The following SLC44A5 variants were observed in gnomAD, a reference collection of about 807,000 sequenced individuals.
SLC44A5 encodes solute carrier family 44 member 5, also known as choline transporter-like protein 5.
SLC44A5 carries 57 observed loss-of-function variants against 101.8 expected under a neutral mutation model. That is an observed-to-expected ratio of 0.56 (90% CI 0.45 to 0.70). SLC44A5 has a LOEUF of 0.70. SLC44A5 is among the 30% of genes least tolerant of loss of function. SLC44A5 has a pLI of 0.00. For missense variants in SLC44A5, 737 were observed against 853.1 expected, an observed-to-expected ratio of 0.86 and a Z score of 1.70; for synonymous variants, 281 against 290.9, an observed-to-expected ratio of 0.97 and a Z score of 0.35.
chr1:75,523,671 A>G (rs544199688), intron 2 of SLC44A5, among the ~76,000 whole-genome samples: 9 of 152,336 alleles, frequency 5.9e-5, no homozygotes, highest in Admixed American at 1.3e-4. Context: ...AATAAGCTAG[A>G]TGTGAAGGAT....
chr1:75,653,461 G>A, the SLC44A5 span, among the ~76,000 whole-genome samples: 4 of 152,158 alleles, frequency 2.6e-5, no homozygotes, highest in Non-Finnish European at 4.4e-5. Context: ...AAGCCTGGGC[G>A]ACAGAGAGAC....
At chr1:75,474,881 C>A (rs1370351174) in intron 2 of SLC44A5, among the ~76,000 whole-genome samples, 1 of 152,234 alleles carries the variant, frequency 6.6e-6, no homozygotes, top group African/African-American at 2.4e-5. Flanking sequence ...ATGTTAGTAA[C>A]TGGAATTTTC....
Position 75,582,224 on chromosome 1 carries a change from C to T in SLC44A5, c.-70+28816G>A, listed in dbSNP as rs564144953. Reference sequence around the variant, plus strand: ...GGACCCCAAGTTCCTGAGGAACATGCGCTTTGCCAAGAAGCACAACAAGAA... The same window carrying T: ...GGACCCCAAGTTCCTGAGGAACATGTGCTTTGCCAAGAAGCACAACAAGAA... On this transcript the variant is annotated intron_variant, in intron 1 of 23. Coordinates refer to ENST00000370859, the MANE Select transcript of SLC44A5 (RefSeq NM_001130058.2). The T allele has an allele frequency of 1.6e-5, 19 of 1,204,962 alleles. No individual in the cohort carries two copies. The African/African-American group carries it at 2.1e-4, about 13-fold the overall frequency. 74.6% of individuals were successfully genotyped at this position (1,204,962 alleles called of 1,614,324 possible). A position where few individuals can be genotyped will look rare whatever the true frequency, so the allele number is the denominator to read the frequency against.
chr1:75,249,486 G>C (rs768412229), intron 7 of SLC44A5, among the ~76,000 whole-genome samples: 1 of 152,094 alleles, frequency 6.6e-6, no homozygotes, highest in Non-Finnish European at 1.5e-5. Context: ...GTGTGGCCTG[G>C]AGGTTAAAGG....
chr1:75,483,531 T>C (rs937535977), intron 2 of SLC44A5, among the ~76,000 whole-genome samples: 2 of 151,890 alleles, frequency 1.3e-5, no homozygotes, highest in Non-Finnish European at 2.9e-5. Flanking sequence ...AATAAAAGAG[T>C]TGCTGAAACA....
the SLC44A5 span, among the ~76,000 whole-genome samples, chr1:75,693,934 T>A: frequency 8.6e-5 from 13 of 151,012 alleles, no homozygotes; most frequent in Non-Finnish European, 1.8e-4. Flanking sequence ...ATGGGGAGGG[T>A]TTAAGAGAGA....
At chr1:75,215,206 G>T (rs1333085831) in intron 19 of SLC44A5, among the ~76,000 whole-genome samples, 1 of 151,942 alleles carries the variant, frequency 6.6e-6, no homozygotes, top group African/African-American at 2.4e-5. Flanking sequence ...ATGTCATAAG[G>T]TTATACTGTA....
rs1651498920 is a variant in SLC44A5 at position 75,271,741 on chromosome 1, T to G, written c.260+3217A>C. 2.0e-5 allele frequency among the ~76,000 whole-genome samples: 3 copies of G among 152,232 alleles called. No homozygotes were observed. In the South Asian group the frequency reaches 6.2e-4, roughly 32 times the overall value. On this transcript the variant is annotated intron_variant, in intron 6 of 23. Transcript: ENST00000370859. ...CTGAGGGGCACTTACGTTGGTTCCA[T>G]ATCCTTGCAATTGTGAACTGTGCTG... is the stretch of plus-strand genomic sequence containing the variant.
At chr1:75,690,346 A>G in the SLC44A5 span, among the ~76,000 whole-genome samples, 1 of 152,100 alleles carries the variant, frequency 6.6e-6, no homozygotes, top group African/African-American at 2.4e-5. Flanking sequence ...TCACAAGAAC[A>G]GCATGGGAGA....
At chr1:75,441,953 C>T (rs2101628910) in intron 2 of SLC44A5, among the ~76,000 whole-genome samples, 1 of 152,178 alleles carries the variant, frequency 6.6e-6, no homozygotes, top group South Asian at 2.1e-4. Context: ...TATATTCCTA[C>T]ATATATTTCT....
At chr1:75,655,536 TC>T in the SLC44A5 span, among the ~76,000 whole-genome samples, 3 of 152,118 alleles carry the variant, frequency 2.0e-5, no homozygotes, top group Non-Finnish European at 4.4e-5. Context: ...ACTACACTGA[TC>T]TTAGAATCTG....
At chr1:75,644,550 G>A in the SLC44A5 span, among the ~76,000 whole-genome samples, 1 of 151,586 alleles carries the variant, frequency 6.6e-6, no homozygotes, top group African/African-American at 2.4e-5. Context: ...ACCCATCACA[G>A]GGTTCATGGC....
intron 23 of SLC44A5, chr1:75,205,343 T>G (rs1646732544): frequency 6.6e-6 from 1 of 152,226 alleles, no homozygotes; most frequent in Non-Finnish European, 1.5e-5. Context: ...AAATAATCCT[T>G]ATATACAAGT....
rs139016486 is a variant in SLC44A5 at position 75,455,811 on chromosome 1, C to G, written c.14-59190G>C. On this transcript the variant is annotated intron_variant, in intron 2 of 23. Coordinates refer to ENST00000370859, the MANE Select transcript of SLC44A5 (RefSeq NM_001130058.2). ...TCCAAATCAAAACCGTAATGAGATA[C>G]TATCTCATACCAGTCAGAATGGCTA... Among the ~76,000 whole-genome samples the G allele has an allele frequency of 4.0e-3, 609 of 152,190 alleles. 4 individuals are homozygous for G. Among genetic ancestry groups the G allele is most frequent in the African/African-American group, 0.014 (585 of 41,546 alleles).
At chr1:75,576,566 CTGT>C (rs1673381493) in intron 1 of SLC44A5, among the ~76,000 whole-genome samples, 1 of 152,168 alleles carries the variant, frequency 6.6e-6, no homozygotes, top group South Asian at 2.1e-4. Flanking sequence ...GATCCGTCCA[CTGT>C]GGCCTCCCAA....
chr1:75,225,535 G>A (rs1647177958), intron 13 of SLC44A5, among the ~76,000 whole-genome samples: 1 of 152,070 alleles, frequency 6.6e-6, no homozygotes, highest in African/African-American at 2.4e-5. Flanking sequence ...GCACCTGGGG[G>A]CTAAGAGATA....
At chr1:75,220,659 AACTG>A (rs1480065516) in intron 14 of SLC44A5, among the ~76,000 whole-genome samples, 2 of 152,148 alleles carry the variant, frequency 1.3e-5, no homozygotes, top group Non-Finnish European at 2.9e-5. Context: ...AATGTTCACT[AACTG>A]ACTGCATCAC....
the SLC44A5 span, among the ~76,000 whole-genome samples, chr1:75,689,926 C>T: frequency 6.6e-6 from 1 of 152,198 alleles, no homozygotes; most frequent in Non-Finnish European, 1.5e-5. Flanking sequence ...TTCAACCAAT[C>T]CCTGCCTCAG....
intron 3 of SLC44A5, among the ~76,000 whole-genome samples, chr1:75,354,664 C>A (rs768819117): frequency 2.0e-5 from 3 of 152,166 alleles, no homozygotes; most frequent in Admixed American, 6.5e-5. Flanking sequence ...CCCCCACGAC[C>A]TGGTGTTGGG....
Sources: allele counts gnomAD v4.1 joint callset (sites outside exome capture counted in the v4.1 genomes callset), GRCh38; gene constraint gnomAD v4.1.1; transcripts MANE v1.5; gene names NCBI Gene and HGNC (gene_info 2026-07-23, HGNC 2026-07-21).